EVI5: variants seen among roughly 807,000 people sequenced by gnomAD.
EVI5 encodes ecotropic viral integration site 5.
In EVI5, 73 loss-of-function variants were observed where a neutral mutation model predicts 112.0. The observed-to-expected ratio is 0.65, with a 90% confidence interval of 0.54 to 0.79. The LOEUF (loss-of-function observed/expected upper bound fraction) is 0.79, where lower values mean the gene tolerates loss of function less well. EVI5 is among the 30% of genes least tolerant of loss of function. The probability of loss-of-function intolerance (pLI) is 0.00; values close to 1 mark genes in which losing one functional copy is unlikely to be tolerated. For missense variants in EVI5, 900 were observed against 968.8 expected, an observed-to-expected ratio of 0.93 and a Z score of 0.94; for synonymous variants, 305 against 319.9, an observed-to-expected ratio of 0.95 and a Z score of 0.50.
chr1:92,616,515 G>A (rs1254925796), intron 16 of EVI5, among the ~76,000 whole-genome samples: 4 of 138,740 alleles, frequency 2.9e-5, no homozygotes, highest in South Asian at 2.3e-4. Flanking sequence ...AATTAATCAC[G>A]GTGTTCCTAG....
At chr1:92,646,966 AAAC>A (rs1201637971) in intron 13 of EVI5, 3 of 215,160 alleles carry the variant, frequency 1.4e-5, no homozygotes, top group African/African-American at 6.9e-5. Context: ...GACATTTCTC[AAAC>A]AACAGATGTG....
intron 1 of EVI5, among the ~76,000 whole-genome samples, chr1:92,738,568 C>T (rs966417819): frequency 3.3e-5 from 5 of 152,252 alleles, no homozygotes; most frequent in African/African-American, 1.2e-4. Flanking sequence ...CTTCTGCACA[C>T]TGTAGCAACA....
At chr1:92,750,603 T>C (rs1465975361) in intron 1 of EVI5, among the ~76,000 whole-genome samples, 1 of 152,106 alleles carries the variant, frequency 6.6e-6, no homozygotes, top group African/African-American at 2.4e-5. Context: ...TTTCCTATCA[T>C]CCCCAGATCC....
At chr1:92,538,797 C>G (rs184513236) in intron 19 of EVI5, among the ~76,000 whole-genome samples, 1 of 151,812 alleles carries the variant, frequency 6.6e-6, no homozygotes, top group African/African-American at 2.4e-5. Flanking sequence ...GAGGAGAAAT[C>G]AGGCACAGGT....
intron 16 of EVI5, among the ~76,000 whole-genome samples, chr1:92,608,798 A>G (rs1249017206): frequency 6.6e-6 from 1 of 152,092 alleles, no homozygotes; most frequent in East Asian, 1.9e-4. Context: ...GTATTTCTAC[A>G]TGCTCTCAAT....
intron 11 of EVI5, 85 bp downstream of exon 11, chr1:92,665,854 C>T (rs901504585): frequency 3.4e-4 from 314 of 933,086 alleles, no homozygotes; most frequent in Non-Finnish European, 9.3e-5. Flanking sequence ...GAGACATGTG[C>T]CAGAATTTTT....
chr1:92,730,822 T>C (rs975372280), intron 2 of EVI5, among the ~76,000 whole-genome samples: 4 of 152,118 alleles, frequency 2.6e-5, no homozygotes, highest in Non-Finnish European at 4.4e-5. Context: ...TCCATTCAAA[T>C]TTATACAGGA....
At chr1:92,700,886 G>A (rs535801354) in intron 5 of EVI5, 20 of 152,240 alleles carry the variant, frequency 1.3e-4, no homozygotes, top group African/African-American at 3.4e-4. Flanking sequence ...AGCAATAATT[G>A]CGCCTCGGAT....
chr1:92,518,052 CACACCTGGAAAACTTT>C, intron 19 of EVI5, among the ~76,000 whole-genome samples: 1 of 152,100 alleles, frequency 6.6e-6, no homozygotes, highest in East Asian at 1.9e-4. Flanking sequence ...TGCATGGCAC[CACACCTGGAAAACTTT>C]TGTATTTTTT....
At chr1:92,701,632 C>T (rs1671162924) in intron 5 of EVI5, among the ~76,000 whole-genome samples, 1 of 152,054 alleles carries the variant, frequency 6.6e-6, no homozygotes. Flanking sequence ...TCCACCCAAA[C>T]CCACTGCACA....
chr1:92,611,294 A>G (rs1469397511), intron 16 of EVI5, among the ~76,000 whole-genome samples: 1 of 152,078 alleles, frequency 6.6e-6, no homozygotes, highest in Non-Finnish European at 1.5e-5. Context: ...GGGTAATGAA[A>G]TGTCTAGCAG....
intron 1 of EVI5, among the ~76,000 whole-genome samples, chr1:92,738,606 T>A (rs1349764450): frequency 2.0e-5 from 3 of 152,118 alleles, no homozygotes; most frequent in Non-Finnish European, 4.4e-5. Context: ...TCTGAAATAA[T>A]CAAAAGCACA....
chr1:92,763,892 G>A (rs1287635647), intron 1 of EVI5, among the ~76,000 whole-genome samples: 1 of 152,052 alleles, frequency 6.6e-6, no homozygotes, highest in Non-Finnish European at 1.5e-5. Flanking sequence ...GAGAAAATGA[G>A]AGAAAATTAA....
chr1:92,518,979 TACTC>T (rs1309027153), intron 19 of EVI5, among the ~76,000 whole-genome samples: 5 of 152,234 alleles, frequency 3.3e-5, no homozygotes, highest in African/African-American at 4.8e-5. Flanking sequence ...ATTTTTAAGA[TACTC>T]ACTCAAACTA....
In EVI5 at chr1:92,664,014, C is replaced by T. The variant is rs375817413; in HGVS notation, c.1213-562G>A. Among the ~76,000 whole-genome samples the T allele has an allele frequency of 7.6e-4, 115 of 152,292 alleles. 1 individual carries two copies. Among genetic ancestry groups the T allele is most frequent in the South Asian group, 4.1e-3 (20 of 4,820 alleles). ...CCTCTTGTCTCAGCCTCCCGAAGTG[C>T]GGGGATCATAGGCGTGAGCCACTGC... On this transcript the variant is annotated intron_variant, in intron 11 of 19. Transcript: ENST00000684568.
At chr1:92,739,042 C>T (rs995020062) in intron 1 of EVI5, among the ~76,000 whole-genome samples, 9 of 152,034 alleles carry the variant, frequency 5.9e-5, no homozygotes, top group African/African-American at 2.2e-4. Flanking sequence ...GAGGCCAACG[C>T]AGGCAGATCA....
chr1:92,647,579 TC>T, intron 13 of EVI5: 2 of 538,888 alleles, frequency 3.7e-6, no homozygotes, highest in Non-Finnish European at 7.0e-6. Context: ...TCTCTGCATG[TC>T]TGCACAAAGA....
intron 18 of EVI5, among the ~76,000 whole-genome samples, chr1:92,566,431 T>C (rs983824346): frequency 6.6e-6 from 1 of 152,158 alleles, no homozygotes; most frequent in Non-Finnish European, 1.5e-5. Flanking sequence ...ATTACTCGTG[T>C]TTGTGGTGGT....
intron 4 of EVI5, among the ~76,000 whole-genome samples, chr1:92,702,545 C>T (rs1671348505): frequency 6.6e-6 from 1 of 151,948 alleles, no homozygotes; most frequent in African/African-American, 2.4e-5. Flanking sequence ...GTGGCTCATG[C>T]CTATAATCCC....
Sources: gnomAD v4.1 joint callset for allele counts (sites outside exome capture counted in the v4.1 genomes callset) on GRCh38, gnomAD v4.1.1 for gene constraint, MANE v1.5 for transcripts, NCBI Gene and HGNC (gene_info 2026-07-23, HGNC 2026-07-21) for gene names.